AFG2A: variants seen among roughly 807,000 people sequenced by gnomAD.
AFG2A encodes ATPase family gene 2 protein homolog A.
chr4:122,947,739 T>A, the AFG2A span, among the ~76,000 whole-genome samples: 1 of 152,086 alleles, frequency 6.6e-6, no homozygotes, highest in Non-Finnish European at 1.5e-5. Context: ...CAGTCAGCCC[T>A]CCATATCCTT....
At chr4:123,132,547 A>C in the AFG2A span, among the ~76,000 whole-genome samples, 1 of 149,906 alleles carries the variant, frequency 6.7e-6, no homozygotes, top group African/African-American at 2.4e-5. Context: ...CTATGGAAAC[A>C]ACCAGTGTTC....
chr4:123,125,700 G>A, the AFG2A span, among the ~76,000 whole-genome samples: 1 of 152,108 alleles, frequency 6.6e-6, no homozygotes, highest in Non-Finnish European at 1.5e-5. Context: ...TGCTGACTCT[G>A]AGTCTAGTAC....
chr4:122,969,193 C>T, the AFG2A span, among the ~76,000 whole-genome samples: 1 of 151,844 alleles, frequency 6.6e-6, no homozygotes, highest in Non-Finnish European at 1.5e-5. Flanking sequence ...ATTTTTGTAG[C>T]TAGCTTAAGA....
chr4:123,028,329 G>T, the AFG2A span: 2 of 1,614,130 alleles, frequency 1.2e-6, no homozygotes. Flanking sequence ...GGCCACCTGG[G>T]TGCTCTAAAA....
At chr4:123,003,072 T>G in the AFG2A span, among the ~76,000 whole-genome samples, 2 of 152,216 alleles carry the variant, frequency 1.3e-5, no homozygotes, top group Non-Finnish European at 2.9e-5. Flanking sequence ...CCATCACTGA[T>G]ACCCTTTCTT....
chr4:123,137,719 C>G, the AFG2A span, among the ~76,000 whole-genome samples: 10 of 152,078 alleles, frequency 6.6e-5, no homozygotes, highest in Non-Finnish European at 1.5e-4. Context: ...ATGTCTGTGA[C>G]TTTATTGTTT....
the AFG2A span, chr4:122,935,753 CA>C: frequency 6.2e-7 from 1 of 1,612,112 alleles, no homozygotes; most frequent in South Asian, 1.1e-5. Flanking sequence ...TATGGTCCTC[CA>C]GGTACTGGAA....
At chr4:123,117,996 A>G in the AFG2A span, among the ~76,000 whole-genome samples, 1 of 152,070 alleles carries the variant, frequency 6.6e-6, no homozygotes, top group African/African-American at 2.4e-5. Context: ...GTATAAAATA[A>G]ATTGTTTCAC....
At chr4:123,184,944 T>C in the AFG2A span, among the ~76,000 whole-genome samples, 1 of 152,222 alleles carries the variant, frequency 6.6e-6, no homozygotes, top group Non-Finnish European at 1.5e-5. Context: ...CCAGAGGCAG[T>C]CACATAAATT....
chr4:123,048,152 G>A, the AFG2A span, among the ~76,000 whole-genome samples: 1 of 152,038 alleles, frequency 6.6e-6, no homozygotes, highest in Admixed American at 6.6e-5. Context: ...TGCCCTTGTC[G>A]AAAATGAGTT....
At chr4:123,058,441 A>G in the AFG2A span, among the ~76,000 whole-genome samples, 1 of 152,190 alleles carries the variant, frequency 6.6e-6, no homozygotes, top group Admixed American at 6.6e-5. Flanking sequence ...CCTGGCCCAC[A>G]TGGTGAAACG....
chr4:123,124,005 T>C, the AFG2A span, among the ~76,000 whole-genome samples: 173 of 140,080 alleles, frequency 1.2e-3, no homozygotes, highest in African/African-American at 4.6e-3. Context: ...CTGGAGAGGA[T>C]GTGGAGAAAT....
At chr4:123,311,944 T>C in the AFG2A span, among the ~76,000 whole-genome samples, 1 of 152,210 alleles carries the variant, frequency 6.6e-6, no homozygotes, top group African/African-American at 2.4e-5. Flanking sequence ...ACCGCCCATC[T>C]CGCCATGTGA....
the AFG2A span, among the ~76,000 whole-genome samples, chr4:123,284,201 C>T: frequency 5.9e-5 from 9 of 152,124 alleles, no homozygotes; most frequent in Admixed American, 3.9e-4. Flanking sequence ...GATCTTGGTA[C>T]ATTTTTTGAC....
At chr4:123,285,350 G>T in the AFG2A span, among the ~76,000 whole-genome samples, 23 of 152,022 alleles carry the variant, frequency 1.5e-4, no homozygotes, top group African/African-American at 5.6e-4. Flanking sequence ...TGTCCCCCAG[G>T]TTCTGTTTCT....
At chr4:123,171,797 C>T in the AFG2A span, among the ~76,000 whole-genome samples, 2 of 151,856 alleles carry the variant, frequency 1.3e-5, no homozygotes, top group African/African-American at 4.8e-5. Flanking sequence ...TAATATTTTC[C>T]ATAAATTTTC....
the AFG2A span, among the ~76,000 whole-genome samples, chr4:122,964,499 C>T: frequency 2.0e-5 from 1 of 50,332 alleles, no homozygotes; most frequent in Non-Finnish European, 6.1e-5. Flanking sequence ...GCAAGACTGT[C>T]TCAAAAAAAA....
chr4:123,050,186 T>C, the AFG2A span, among the ~76,000 whole-genome samples: 13 of 152,180 alleles, frequency 8.5e-5, no homozygotes, highest in Admixed American at 3.9e-4. Context: ...TGATTTTGAC[T>C]GTTTTGAATT....
At chr4:122,947,097 T>C in the AFG2A span, 1 of 686,336 alleles carries the variant, frequency 1.5e-6, no homozygotes, top group Non-Finnish European at 2.2e-6. Flanking sequence ...TGATAGGTAA[T>C]GAAAGCGTAA....
Sources: gnomAD v4.1 joint callset for allele counts (sites outside exome capture counted in the v4.1 genomes callset) on GRCh38, gnomAD v4.1.1 for gene constraint, MANE v1.5 for transcripts, NCBI Gene and HGNC (gene_info 2026-07-23, HGNC 2026-07-21) for gene names.